The following ZNRF3 variants were observed in gnomAD, a reference collection of about 807,000 sequenced individuals.
The protein encoded by ZNRF3 is zinc and ring finger 3.
A neutral mutation model predicts 72.5 loss-of-function variants in ZNRF3; 23 were observed. That is an observed-to-expected ratio of 0.32 (90% CI 0.23 to 0.45). The LOEUF is 0.45. Among genes scored for constraint, ZNRF3 ranks in the 20% least tolerant of loss-of-function variants. The probability of loss-of-function intolerance (pLI) is 1.00; values close to 1 mark genes in which losing one functional copy is unlikely to be tolerated. For missense variants in ZNRF3, 1,169 were observed against 1,272.1 expected (o/e 0.92, Z 1.23); for synonymous variants, 610 against 545.3 (o/e 1.12, Z -1.65).
intron 1 of ZNRF3, among the ~76,000 whole-genome samples, chr22:28,897,655 T>C (rs2034023108): frequency 6.6e-6 from 1 of 152,164 alleles, no homozygotes; most frequent in South Asian, 2.1e-4. Flanking sequence ...CTGTAATACG[T>C]GTCTTCACCT....
intron 1 of ZNRF3, among the ~76,000 whole-genome samples, chr22:28,955,461 T>A (rs1472232310): frequency 6.6e-6 from 1 of 152,224 alleles, no homozygotes; most frequent in Non-Finnish European, 1.5e-5. Flanking sequence ...TCCTCCTGTG[T>A]ACCACCTTGC....
intron 1 of ZNRF3, among the ~76,000 whole-genome samples, chr22:28,887,544 A>G (rs1483187558): frequency 6.6e-6 from 1 of 152,148 alleles, no homozygotes; most frequent in African/African-American, 2.4e-5. Context: ...AATCTGAATG[A>G]AGAATTTTTT....
At chr22:28,923,825 A>G (rs1247834604) in intron 1 of ZNRF3, among the ~76,000 whole-genome samples, 1 of 152,230 alleles carries the variant, frequency 6.6e-6, no homozygotes, top group African/African-American at 2.4e-5. Context: ...TCCCTGAGAG[A>G]TGGTGTATGT....
At chr22:29,035,525 GAAGTA>G (rs912445556) in intron 2 of ZNRF3, among the ~76,000 whole-genome samples, 4 of 152,192 alleles carry the variant, frequency 2.6e-5, no homozygotes, top group African/African-American at 7.2e-5. Context: ...AGTTAAGGGG[GAAGTA>G]GAGTACAGAA....
intron 2 of ZNRF3, among the ~76,000 whole-genome samples, chr22:29,021,300 A>G (rs999068478): frequency 5.3e-5 from 8 of 152,054 alleles, no homozygotes; most frequent in African/African-American, 1.7e-4. Flanking sequence ...TAGATAGCAG[A>G]AGGAGGTATT....
intron 2 of ZNRF3, among the ~76,000 whole-genome samples, chr22:29,007,487 T>G (rs2036274488): frequency 6.6e-6 from 1 of 151,932 alleles, no homozygotes; most frequent in South Asian, 2.1e-4. Context: ...ATTTTTTTTT[T>G]TTTAAACTAG....
At chr22:28,895,883 A>C (rs2033984782) in intron 1 of ZNRF3, among the ~76,000 whole-genome samples, 1 of 151,976 alleles carries the variant, frequency 6.6e-6, no homozygotes, top group Non-Finnish European at 1.5e-5. Context: ...GTGTACTTTC[A>C]CTTACAGTAT....
At chr22:28,954,494 T>C (rs989135863) in intron 1 of ZNRF3, among the ~76,000 whole-genome samples, 6 of 152,244 alleles carry the variant, frequency 3.9e-5, no homozygotes, top group Admixed American at 6.5e-5. Flanking sequence ...CTTCAAAATA[T>C]GACTTTTGGG....
intron 8 of ZNRF3, among the ~76,000 whole-genome samples, chr22:29,052,559 G>A (rs947682439): frequency 6.6e-6 from 1 of 152,114 alleles, no homozygotes; most frequent in Non-Finnish European, 1.5e-5. Context: ...CGGGCGTGGT[G>A]GCGTGTGCCT....
Position 29,002,883 on chromosome 22 carries a change from G to A in ZNRF3, c.426+15682G>A, listed in dbSNP as rs548430969. Among the ~76,000 whole-genome samples the A allele has an allele frequency of 6.6e-5, 10 of 152,324 alleles. No individual in the cohort carries two copies. In the South Asian group the frequency reaches 1.7e-3, roughly 25 times the overall value. On this transcript the variant is annotated intron_variant, in intron 2 of 8. Coordinates refer to ENST00000544604, the MANE Select transcript of ZNRF3 (RefSeq NM_001206998.2). ...GATAGACAGGCGCACATGGCAGGGG[G>A]AGATCCTTGTGCAGTGGCTTGACAC...
chr22:29,049,758 C>A lies in ZNRF3; in HGVS notation c.1577C>A (p.Thr526Lys). The A allele has an allele frequency of 1.3e-6, 2 of 1,594,882 alleles. No individual in the cohort carries two copies. Among genetic ancestry groups the A allele is most frequent in the Non-Finnish European group, 1.7e-6 (2 of 1,168,722 alleles). ...APPSHLESGSTSSFSCYHGHR... is the reference protein window; with the variant it reads ...APPSHLESGSKSSFSCYHGHR... ...CCCTCCCACCTGGAGAGCGGCAGCA[C>A]GTCCAGCTTCAGCTGCTATCACGGC... Residue 526 changes from threonine to lysine, a missense_variant, in exon 8 of 9, where the codon ACG becomes AAG. This residue lies in a region of ZNRF3 where 783 missense variants were observed against 731.4 expected (regional missense o/e 1.07). Transcript: ENST00000544604. The surrounding 1 kb of genome is among the most constrained non-coding windows in gnomAD (Gnocchi z 5.2).
intron 1 of ZNRF3, among the ~76,000 whole-genome samples, chr22:28,967,101 C>T (rs529120020): frequency 2.0e-5 from 3 of 152,034 alleles, no homozygotes; most frequent in Non-Finnish European, 4.4e-5. Flanking sequence ...AGGCTGGTCT[C>T]GAACTCCTGA....
chr22:29,051,342 T>G (rs983752581), intron 8 of ZNRF3, among the ~76,000 whole-genome samples: 9 of 151,460 alleles, frequency 5.9e-5, no homozygotes, highest in Admixed American at 3.3e-4. Flanking sequence ...AGGCCAGGAG[T>G]TGGAGACAGC....
intron 2 of ZNRF3, among the ~76,000 whole-genome samples, chr22:28,991,993 A>T (rs1182347746): frequency 2.0e-5 from 3 of 151,994 alleles, no homozygotes; most frequent in Non-Finnish European, 4.4e-5. Flanking sequence ...AGAATAAAAA[A>T]AAAAAAATAA....
At chr22:29,024,003 A>G (rs1354408692) in intron 2 of ZNRF3, among the ~76,000 whole-genome samples, 2 of 152,164 alleles carry the variant, frequency 1.3e-5, no homozygotes, top group Non-Finnish European at 2.9e-5. Context: ...AAGTGTAAGC[A>G]CCCTGGATCA....
At chr22:29,009,710 T>C (rs1037359492) in intron 2 of ZNRF3, among the ~76,000 whole-genome samples, 4 of 152,128 alleles carry the variant, frequency 2.6e-5, no homozygotes, top group African/African-American at 9.7e-5. Flanking sequence ...CATAAAAAAA[T>C]GAACAGCCTT....
intron 1 of ZNRF3, among the ~76,000 whole-genome samples, chr22:28,924,670 G>A (rs531808217): frequency 5.9e-5 from 9 of 152,194 alleles, no homozygotes; most frequent in Admixed American, 1.3e-4. Flanking sequence ...CCATAAGTTC[G>A]AGACTACAGT....
intron 2 of ZNRF3, among the ~76,000 whole-genome samples, chr22:29,006,193 A>G (rs2036239779): frequency 6.7e-6 from 1 of 148,980 alleles, no homozygotes; most frequent in Non-Finnish European, 1.5e-5. Context: ...ACCAGTGATC[A>G]AGGTTCTTAT....
At chr22:29,021,918 T>C (rs974062385) in intron 2 of ZNRF3, among the ~76,000 whole-genome samples, 5 of 151,918 alleles carry the variant, frequency 3.3e-5, no homozygotes, top group Non-Finnish European at 7.4e-5. Context: ...ACACACCCAT[T>C]AAACCATCAC....
Sources: allele counts gnomAD v4.1 joint callset (sites outside exome capture counted in the v4.1 genomes callset), GRCh38; gene constraint gnomAD v4.1.1; regional missense constraint gnomAD v4.1.1; non-coding constraint Gnocchi (gnomAD v3.1); transcripts MANE v1.5; gene names NCBI Gene and HGNC (gene_info 2026-07-23, HGNC 2026-07-21).